MED14: variants seen among roughly 807,000 people sequenced by gnomAD.
The protein encoded by MED14 is mediator of RNA polymerase II transcription subunit 14.
MED14 carries 8 observed loss-of-function variants against 109.0 expected under a neutral mutation model. The observed-to-expected ratio is 0.07, with a 90% CI of 0.04 to 0.13. The LOEUF is 0.13. Ranked by LOEUF, MED14 falls within the 10% of genes least tolerant of loss-of-function variation. MED14 has a pLI of 1.00. For synonymous variants in MED14, 399 were observed against 408.7 expected (o/e 0.98, Z 0.29); for missense variants, 711 against 1,142.4 (o/e 0.62, Z 5.44).
intron 28 of MED14, among the ~76,000 whole-genome samples, chrX:40,658,223 T>C (rs1307420080): frequency 5.4e-5 from 6 of 110,659 alleles, no homozygotes; most frequent in Non-Finnish European, 1.1e-4. Flanking sequence ...CCCGAGTAGC[T>C]GGGACTACAG....
At chrX:40,669,858 G>T (rs746339632) in intron 23 of MED14, among the ~76,000 whole-genome samples, 36 of 110,899 alleles carry the variant, frequency 3.2e-4, no homozygotes, top group African/African-American at 1.2e-3. Context: ...AACCAGTGTC[G>T]AAAGGAGGGA....
chrX:40,735,917 G>T, upstream of MED14: 1 of 255,461 alleles, frequency 3.9e-6, no homozygotes, highest in African/African-American at 2.9e-5. Context: ...CAGGGTGAGG[G>T]CTGAGCCGGA....
intron 28 of MED14, among the ~76,000 whole-genome samples, chrX:40,657,330 T>G (rs1462323910): frequency 2.7e-5 from 3 of 111,580 alleles, no homozygotes; most frequent in East Asian, 5.6e-4. Context: ...AGGAGGTCAT[T>G]AGAATGGTCC....
At chrX:40,724,170 G>A (rs913645039) in intron 3 of MED14, among the ~76,000 whole-genome samples, 2 of 111,894 alleles carry the variant, frequency 1.8e-5, no homozygotes, top group African/African-American at 6.5e-5. Flanking sequence ...ATCCAACACT[G>A]GAACACCCAG....
chrX:40,706,695 G>C (rs1292707569), intron 10 of MED14, among the ~76,000 whole-genome samples: 2 of 111,808 alleles, frequency 1.8e-5, no homozygotes, highest in African/African-American at 3.3e-5. Context: ...TAGGTGAACA[G>C]CACACAAAAC....
At chrX:40,725,899 T>A (rs755682264) in intron 3 of MED14, among the ~76,000 whole-genome samples, 5 of 111,740 alleles carry the variant, frequency 4.5e-5, no homozygotes, top group Non-Finnish European at 9.4e-5. Flanking sequence ...ATTATCCTTG[T>A]TTGCAGATGA....
chrX:40,690,841 C>T (rs777184925), intron 15 of MED14, among the ~76,000 whole-genome samples: 16 of 112,241 alleles, frequency 1.4e-4, no homozygotes, highest in Non-Finnish European at 3.0e-4. Flanking sequence ...ACCACTTGAC[C>T]GACAAAGTCT....
At chrX:40,710,987 G>C (rs966594188) in intron 8 of MED14, among the ~76,000 whole-genome samples, 182 bp downstream of exon 8, 4 of 112,032 alleles carry the variant, frequency 3.6e-5, no homozygotes, top group African/African-American at 1.3e-4. Flanking sequence ...TATAGGGAAG[G>C]TTGGCCCTAT....
At chrX:40,709,079 A>G in intron 10 of MED14, among the ~76,000 whole-genome samples, 1 of 111,481 alleles carries the variant, frequency 9.0e-6, no homozygotes, top group Non-Finnish European at 1.9e-5. Context: ...AAGTGCTGGT[A>G]TTACAGGTGT....
chrX:40,683,828 T>C (rs760671341), intron 16 of MED14, among the ~76,000 whole-genome samples: 2 of 112,265 alleles, frequency 1.8e-5, no homozygotes, highest in Non-Finnish European at 3.8e-5. Flanking sequence ...TTAACATACA[T>C]ATTGTCACAC....
chrX:40,674,395 C>T (rs1267270327), intron 22 of MED14, among the ~76,000 whole-genome samples: 1 of 112,215 alleles, frequency 8.9e-6, no homozygotes, highest in Non-Finnish European at 1.9e-5. Context: ...CACTAAGTAG[C>T]CAGACCAGAA....
At chrX:40,655,823 C>T (rs867503018) in intron 28 of MED14, among the ~76,000 whole-genome samples, 4 of 111,050 alleles carry the variant, frequency 3.6e-5, no homozygotes, top group African/African-American at 6.6e-5. Flanking sequence ...TATAGTAAAA[C>T]GCTAACTAAA....
At chrX:40,729,275 T>G (rs1269846110) in intron 2 of MED14, 44 bp downstream of exon 2, 1 of 1,168,778 alleles carries the variant, frequency 8.6e-7, no homozygotes, top group African/African-American at 1.8e-5. Flanking sequence ...ACTCATAGAT[T>G]GATCAATAAA....
At chrX:40,692,347 TAA>T (rs11292945) in intron 14 of MED14, 30 bp from the exon 15 acceptor site, 79,937 of 797,246 alleles carry the variant, frequency 0.1, 497 homozygotes, top group East Asian at 0.12. Context: ...CACAAACAGG[TAA>T]AAAAAAAAAA....
chrX:40,691,327 T>C (rs912465717), intron 15 of MED14, among the ~76,000 whole-genome samples: 2 of 112,288 alleles, frequency 1.8e-5, no homozygotes, highest in Non-Finnish European at 3.8e-5. Context: ...TCAATATACA[T>C]GGCTTTACCA....
intron 23 of MED14, among the ~76,000 whole-genome samples, chrX:40,670,638 G>A (rs1413786581): frequency 9.1e-6 from 1 of 110,457 alleles, no homozygotes; most frequent in Non-Finnish European, 1.9e-5. Context: ...GCGGGCGCCT[G>A]TAGTCCCAGC....
intron 12 of MED14, among the ~76,000 whole-genome samples, chrX:40,698,299 A>C (rs1241653059): frequency 8.9e-6 from 1 of 112,191 alleles, no homozygotes; most frequent in African/African-American, 3.2e-5. Context: ...TACAAACAAG[A>C]AACAAGCTCA....
intron 11 of MED14, among the ~76,000 whole-genome samples, chrX:40,702,338 T>G (rs1390682665): frequency 3.0e-4 from 31 of 101,904 alleles, no homozygotes; most frequent in Non-Finnish European, 3.9e-5. Context: ...CAGTTAAATA[T>G]AAGTTTTGTT....
intron 3 of MED14, 118 bp downstream of exon 3, chrX:40,726,628 G>A: frequency 1.9e-6 from 1 of 516,916 alleles, no homozygotes. Context: ...TCAGAAATAT[G>A]ATTATTCACA....
Sources: gnomAD v4.1 joint callset for allele counts (sites outside exome capture counted in the v4.1 genomes callset) on GRCh38, gnomAD v4.1.1 for gene constraint, MANE v1.5 for transcripts, NCBI Gene and HGNC (gene_info 2026-07-23, HGNC 2026-07-21) for gene names.